RABL2A: variants seen among roughly 807,000 people sequenced by gnomAD.
RABL2A encodes the protein rab-like protein 2A.
A neutral mutation model predicts 30.7 loss-of-function variants in RABL2A; 17 were observed. The observed-to-expected ratio is 0.55, with a 90% confidence interval of 0.38 to 0.83. The LOEUF is 0.83. Ranked by LOEUF, RABL2A falls within the 40% of genes least tolerant of loss-of-function variation. The pLI, the probability that RABL2A is intolerant of heterozygous loss-of-function variation, is 0.00. For synonymous variants in RABL2A, 64 were observed against 101.8 expected (o/e 0.63, Z 2.24); for missense variants, 155 against 272.6 (o/e 0.57, Z 3.04).
chr2:113,635,769 T>A (rs535407320), intron 5 of RABL2A, among the ~76,000 whole-genome samples: 1 of 152,314 alleles, frequency 6.6e-6, no homozygotes, highest in Non-Finnish European at 1.5e-5. Flanking sequence ...GCCACCACTT[T>A]TAAATGCTGA....
At position 113,641,504 on chromosome 2, in the gene RABL2A, G is replaced by T. The variant is rs772500329; in HGVS notation, c.507+54G>T. The T allele has an allele frequency of 1.9e-6, 3 of 1,611,668 alleles. No individual in the cohort carries two copies. In the Admixed American group the frequency reaches 5.0e-5, roughly 27 times the overall value. ...AGGTCAGGGCGCTAGGTGGTAAAGG[G>T]AAGCTGTGAAGAGAAGGGCTTACTG... On this transcript the variant is annotated intron_variant, in intron 7 of 8. Coordinates refer to ENST00000683472, the MANE Select transcript of RABL2A (RefSeq NM_001306158.2).
intron 3 of RABL2A, 90 bp downstream of exon 3, chr2:113,633,034 C>A (rs766896903): frequency 1.6e-5 from 25 of 1,596,290 alleles, no homozygotes; most frequent in Non-Finnish European, 2.1e-5. Context: ...TTTGTACCAG[C>A]AGCCCAGGAA....
chr2:113,636,060 A>G (rs1682562614), intron 5 of RABL2A, among the ~76,000 whole-genome samples: 2 of 150,892 alleles, frequency 1.3e-5, no homozygotes, highest in African/African-American at 4.9e-5. Context: ...GTGAGCCGAG[A>G]TCACACCATT....
chr2:113,635,184 G>C (rs1365735592), intron 5 of RABL2A, 54 bp downstream of exon 5: 7 of 1,576,986 alleles, frequency 4.4e-6, no homozygotes, highest in South Asian at 2.2e-5. Flanking sequence ...GGCCTGAGGG[G>C]TGAGGGGCCT....
chr2:113,633,984 G>C (rs958300315), intron 3 of RABL2A, 169 bp from the exon 4 acceptor site: 2 of 1,418,306 alleles, frequency 1.4e-6, no homozygotes, highest in African/African-American at 2.8e-5. Context: ...GCTTGTACCA[G>C]TGGTATGTGA....
intron 5 of RABL2A, chr2:113,635,394 G>A (rs1489814182): frequency 1.3e-5 from 7 of 524,104 alleles, no homozygotes; most frequent in South Asian, 4.0e-5. Flanking sequence ...GCATCCAAGA[G>A]GCAAACATGC....
intron 5 of RABL2A, chr2:113,638,392 G>C: frequency 1.6e-5 from 16 of 985,386 alleles, no homozygotes; most frequent in Non-Finnish European, 1.7e-5. Flanking sequence ...GCAGTTACAG[G>C]GTGGTGGTTG....
chr2:113,642,463 GT>G lies in RABL2A; in HGVS notation c.*340del, dbSNP rs1298198050. On this transcript the variant is annotated 3_prime_UTR_variant, in exon 9 of 9. Transcript: ENST00000683472. Reference sequence around the variant, plus strand: ...TCACTTTAATACAGGAAATTTAGGTGTTTTTTGGTGTTTTTGTTTTTGTTTT... The same window carrying G: ...TCACTTTAATACAGGAAATTTAGGTGTTTTTGGTGTTTTTGTTTTTGTTTT... 16 of 358,354 alleles carry G rather than the reference GT, an allele frequency of 4.5e-5. No homozygotes were observed. The highest frequency in any genetic ancestry group is 1.5e-4 in the African/African-American group (7 of 47,416). 22.2% of individuals were successfully genotyped at this position (358,354 alleles called of 1,614,324 possible). A position where few individuals can be genotyped will look rare whatever the true frequency, so the allele number is the denominator to read the frequency against.
chr2:113,636,997 T>TA, intron 5 of RABL2A, among the ~76,000 whole-genome samples: 1 of 95,682 alleles, frequency 1.0e-5, no homozygotes, highest in East Asian at 6.0e-4. Context: ...TCAAAAAAAA[T>TA]AAAAAAATAA....
chr2:113,636,727 G>A (rs562339690), intron 5 of RABL2A, among the ~76,000 whole-genome samples: 4 of 152,260 alleles, frequency 2.6e-5, no homozygotes, highest in East Asian at 1.9e-4. Context: ...GGTGGCTCAC[G>A]CCTGTAATCC....
chr2:113,631,293 T>G (rs1338485288), intron 2 of RABL2A, among the ~76,000 whole-genome samples: 1 of 152,114 alleles, frequency 6.6e-6, no homozygotes, highest in Non-Finnish European at 1.5e-5. Flanking sequence ...TTTAGGGTCT[T>G]CCATTACCGT....
chr2:113,640,640 G>C, intron 5 of RABL2A: 1 of 478,840 alleles, frequency 2.1e-6, no homozygotes, highest in Non-Finnish European at 3.6e-6. Context: ...ACCTCCCAAA[G>C]TGCTGGGATT....
At chr2:113,639,417 T>C (rs1426170890) in intron 5 of RABL2A, among the ~76,000 whole-genome samples, 2 of 151,798 alleles carry the variant, frequency 1.3e-5, no homozygotes, top group Non-Finnish European at 2.9e-5. Context: ...AGGTCAAGAG[T>C]TTGAGACCAG....
intron 2 of RABL2A, 51 bp from the exon 3 acceptor site, chr2:113,632,864 C>A (rs772404762): frequency 6.2e-7 from 1 of 1,614,086 alleles, no homozygotes; most frequent in Admixed American, 1.7e-5. Context: ...AAGTCTGGGA[C>A]AAGGGAGAGA....
At chr2:113,630,163 A>G (rs1481857267) in intron 2 of RABL2A, among the ~76,000 whole-genome samples, 1 of 152,188 alleles carries the variant, frequency 6.6e-6, no homozygotes, top group African/African-American at 2.4e-5. Context: ...TTACCATAAC[A>G]TTGGCCTCCA....
intron 4 of RABL2A, among the ~76,000 whole-genome samples, chr2:113,634,782 C>T (rs974942469): frequency 1.3e-5 from 2 of 152,020 alleles, no homozygotes; most frequent in African/African-American, 4.8e-5. Context: ...CTGTCTTCTC[C>T]CTCCTTGGGC....
rs759071909 is a variant in RABL2A, at chr2:113,642,012, C to T, written c.592-19C>T. The T allele has an allele frequency of 6.2e-7, 1 of 1,609,262 alleles. No homozygotes were observed. Among genetic ancestry groups the T allele is most frequent in the East Asian group, 2.2e-5 (1 of 44,752 alleles). On this transcript the variant is annotated intron_variant, in intron 8 of 8. Transcript: ENST00000683472. ...TGAGCAAATGCAGGGCCAGGCCTCACCTGCGACCTTGTTCACAGAACTTCA... is the reference window on the plus strand; with the variant it reads ...TGAGCAAATGCAGGGCCAGGCCTCATCTGCGACCTTGTTCACAGAACTTCA...
intron 5 of RABL2A, chr2:113,637,964 C>T (rs571596861): frequency 2.0e-6 from 2 of 985,454 alleles, no homozygotes; most frequent in African/African-American, 3.5e-5. Flanking sequence ...CACTTGCCTT[C>T]TGACCACACG....
At chr2:113,638,007 C>T (rs1407270846) in intron 5 of RABL2A, 135 of 985,214 alleles carry the variant, frequency 1.4e-4, no homozygotes, top group Non-Finnish European at 1.6e-4. Context: ...AACCAGGGCT[C>T]GACCCTCCAC....
Sources: gnomAD v4.1 joint callset for allele counts (sites outside exome capture counted in the v4.1 genomes callset) on GRCh38, gnomAD v4.1.1 for gene constraint, MANE v1.5 for transcripts, NCBI Gene and HGNC (gene_info 2026-07-23, HGNC 2026-07-21) for gene names.